FRY: variants seen among roughly 807,000 people sequenced by gnomAD.
The protein encoded by FRY is protein furry homolog.
In FRY, 128 loss-of-function variants were observed where a neutral mutation model predicts 348.4. That is an observed-to-expected ratio of 0.37 (90% CI 0.32 to 0.43). The LOEUF (loss-of-function observed/expected upper bound fraction) is 0.43, where lower values mean the gene tolerates loss of function less well. Ranked by LOEUF, FRY falls within the 20% of genes least tolerant of loss-of-function variation. The pLI is 1.00. For missense variants in FRY, 2,736 were observed against 3,695.2 expected, an observed-to-expected ratio of 0.74 and a Z score of 6.73; for synonymous variants, 1,370 against 1,374.7, an observed-to-expected ratio of 1.00 and a Z score of 0.08.
At chr13:32,105,344 A>G (rs974593873) in intron 3 of FRY, among the ~76,000 whole-genome samples, 2 of 152,206 alleles carry the variant, frequency 1.3e-5, no homozygotes, top group Non-Finnish European at 2.9e-5. Flanking sequence ...CCTTCACCAG[A>G]CAGTGAACCT....
intron 1 of FRY, among the ~76,000 whole-genome samples, chr13:32,032,746 A>G (rs1014704314): frequency 4.6e-5 from 7 of 152,234 alleles, no homozygotes; most frequent in Non-Finnish European, 8.8e-5. Context: ...CTATTTCACT[A>G]ACAGCCTTTG....
chr13:32,145,592 C>T (rs945426801), intron 11 of FRY, among the ~76,000 whole-genome samples: 3 of 138,690 alleles, frequency 2.2e-5, no homozygotes, highest in Non-Finnish European at 3.0e-5. Context: ...GGCCGGACTG[C>T]GGACTGCAGT....
Position 32,248,451 on chromosome 13 carries a change from C to T in FRY, c.7008+949C>T, listed in dbSNP as rs543979477. On this transcript the variant is annotated intron_variant, in intron 48 of 60. Transcript: ENST00000542859. ...AATGTAGATGACAGGTTGATGGGTG[C>T]AGCAGACCACCATGGCACATGTCTA... 2.0e-5 allele frequency among the ~76,000 whole-genome samples: 3 copies of T among 152,004 alleles called. No homozygotes were observed. The East Asian group carries it at 5.8e-4, about 30-fold the overall frequency.
chr13:32,236,002 AC>A, intron 42 of FRY, 75 bp from the exon 43 acceptor site: 1 of 1,027,566 alleles, frequency 9.7e-7, no homozygotes, highest in Non-Finnish European at 1.5e-6. Context: ...AATACAGTTT[AC>A]ATTAATTAAA....
At chr13:32,095,463 C>T (rs1876634529) in intron 2 of FRY, among the ~76,000 whole-genome samples, 1 of 151,340 alleles carries the variant, frequency 6.6e-6, no homozygotes, top group African/African-American at 2.4e-5. Context: ...TTCACTGCCT[C>T]AGCCTCCCAA....
intron 36 of FRY, among the ~76,000 whole-genome samples, chr13:32,220,873 A>G (rs1393821883): frequency 6.6e-6 from 1 of 152,232 alleles, no homozygotes; most frequent in Non-Finnish European, 1.5e-5. Context: ...CTGGATGATT[A>G]TCTGAGAAGT....
At chr13:32,121,723 T>C (rs919412985) in intron 4 of FRY, among the ~76,000 whole-genome samples, 4 of 152,220 alleles carry the variant, frequency 2.6e-5, no homozygotes, top group East Asian at 3.8e-4. Flanking sequence ...TCCCACTCTG[T>C]GGGTTGTCTG....
intron 28 of FRY, among the ~76,000 whole-genome samples, chr13:32,193,465 TC>T (rs1320951383): frequency 2.6e-5 from 4 of 151,928 alleles, no homozygotes; most frequent in Non-Finnish European, 5.9e-5. Flanking sequence ...CATCAAATGA[TC>T]CCCCACAATA....
chr13:32,295,757 C>T lies in FRY; in HGVS notation c.*297C>T. 2.0e-6 allele frequency: 1 copy of T among 502,970 alleles called. No individual in the cohort carries two copies. Among genetic ancestry groups the T allele is most frequent in the Non-Finnish European group, 3.6e-6 (1 of 277,140 alleles). The allele number at this position is 502,970 out of a possible 1,614,324, so 31.2% of individuals were successfully genotyped here. ...TGAAGAAGTGACTTCCGTTGCATAC[C>T]AAAGCCGACTACACTGAACAGTACC... is the stretch of plus-strand genomic sequence containing the variant. On this transcript the variant is annotated 3_prime_UTR_variant, in exon 61 of 61. Coordinates refer to ENST00000542859, the MANE Select transcript of FRY (RefSeq NM_023037.3).
chr13:32,252,030 TA>T, intron 50 of FRY, 78 bp downstream of exon 50: 1 of 972,660 alleles, frequency 1.0e-6, no homozygotes, highest in South Asian at 1.3e-5. Context: ...TTTGGTCATA[TA>T]ATTTAGAGGA....
intron 1 of FRY, among the ~76,000 whole-genome samples, chr13:32,076,418 T>C (rs1875057433): frequency 6.6e-6 from 1 of 152,180 alleles, no homozygotes; most frequent in Admixed American, 6.5e-5. Context: ...TTCTCTAAGC[T>C]GGTGTTGGGG....
chr13:32,087,494 T>C (rs1875961969), intron 2 of FRY, among the ~76,000 whole-genome samples: 3 of 152,216 alleles, frequency 2.0e-5, no homozygotes, highest in African/African-American at 7.2e-5. Context: ...AGATGGTATA[T>C]GATGAATGGT....
At chr13:32,136,306 T>C (rs1314146514) in intron 10 of FRY, among the ~76,000 whole-genome samples, 1 of 152,206 alleles carries the variant, frequency 6.6e-6, no homozygotes, top group African/African-American at 2.4e-5. Flanking sequence ...CACCTCTGTT[T>C]ATTTGGTCAT....
chr13:32,269,893 T>C (rs544042198), intron 55 of FRY, among the ~76,000 whole-genome samples: 4 of 152,322 alleles, frequency 2.6e-5, no homozygotes, highest in South Asian at 4.1e-4. Context: ...GTAGTGCAGA[T>C]AGCTACTTGG....
intron 11 of FRY, among the ~76,000 whole-genome samples, chr13:32,139,913 G>C (rs1481746601): frequency 6.6e-6 from 1 of 151,916 alleles, no homozygotes; most frequent in Non-Finnish European, 1.5e-5. Flanking sequence ...AAAATGTTGA[G>C]TCACCATTTG....
intron 36 of FRY, among the ~76,000 whole-genome samples, chr13:32,222,492 G>T (rs75252493): frequency 5.0e-4 from 76 of 152,302 alleles, no homozygotes; most frequent in African/African-American, 1.8e-3. Flanking sequence ...GATTACAGAG[G>T]TGAGCTACCG....
Position 32,173,466 on chromosome 13 carries a change from A to G in FRY, c.2251A>G (p.Ser751Gly). 7 of 1,613,368 alleles carry G rather than the reference A, an allele frequency of 4.3e-6. No individual in the cohort carries two copies. Among genetic ancestry groups the G allele is most frequent in the Admixed American group, 1.7e-5 (1 of 60,020 alleles). The stretch of plus-strand genomic sequence containing the variant: ...AGGTTTTGCTCTGGTTTTACTCTGC[A>G]GTTTCCAGGTGGCCACACGCAAACT... ...VEGFALVLLC[S>G]FQVATRKLSV... The change falls in exon 19 of 61, where the codon AGT (serine) becomes GGT (glycine). Residue 751 changes from serine to glycine, a missense_variant. Physicochemically the swap from Ser to Gly is moderately conservative, Grantham distance 56. Around this residue, in one of 9 missense-constraint regions of FRY, gnomAD observed 449 missense variants for 576.9 expected, o/e 0.78. Coordinates refer to ENST00000542859, the MANE Select transcript of FRY (RefSeq NM_023037.3).
chr13:32,226,507 G>A (rs558080346), intron 39 of FRY, among the ~76,000 whole-genome samples: 24 of 152,288 alleles, frequency 1.6e-4, no homozygotes, highest in Middle Eastern at 3.4e-3. Context: ...GGAACAGATG[G>A]CATTAACTGA....
rs2138328355 is a variant in FRY at position 32,202,487 on chromosome 13, G to A, written c.3978G>A (p.Leu1326=). Residue 1326 remains leucine (L), a synonymous_variant, in exon 31 of 61, where the codon CTG becomes CTA. Transcript: ENST00000542859. ...SVSLALLSCE[L]ARMYPELTLP... ...CACTTGCCCTCTTGTCATGTGAGCT[G>A]GCCAGGATGTACCCTGAGCTCACAC... The A allele has an allele frequency of 1.2e-6, 2 of 1,613,820 alleles. No homozygotes were observed. The highest frequency in any genetic ancestry group is 1.7e-6 in the Non-Finnish European group (2 of 1,179,818).
Sources: gnomAD v4.1 joint callset for allele counts (sites outside exome capture counted in the v4.1 genomes callset) on GRCh38, gnomAD v4.1.1 for gene constraint, gnomAD v4.1.1 regional missense constraint, MANE v1.5 for transcripts, NCBI Gene and HGNC (gene_info 2026-07-23, HGNC 2026-07-21) for gene names.